EFL1: variants seen among roughly 807,000 people sequenced by gnomAD.
EFL1 encodes elongation factor-like GTPase 1.
In EFL1, 76 loss-of-function variants were observed where a neutral mutation model predicts 126.7. The ratio of observed to expected loss-of-function variants is 0.60; its 90% CI spans 0.50 to 0.73. EFL1 has a LOEUF of 0.73. Ranked by LOEUF, EFL1 falls within the 30% of genes least tolerant of loss-of-function variation. The pLI, the probability that EFL1 is intolerant of heterozygous loss-of-function variation, is 0.00. For missense variants in EFL1, 1,128 were observed against 1,343.2 expected (o/e 0.84, Z 2.50); for synonymous variants, 410 against 448.4 (o/e 0.91, Z 1.08).
At chr15:82,155,362 C>A (rs1045644459) in intron 17 of EFL1, among the ~76,000 whole-genome samples, 2 of 151,888 alleles carry the variant, frequency 1.3e-5, no homozygotes, top group Non-Finnish European at 2.9e-5. Context: ...GTTAGCTGGG[C>A]GTGGTGGCGT....
chr15:82,179,180 T>G (rs940969543), intron 15 of EFL1, among the ~76,000 whole-genome samples: 1 of 152,020 alleles, frequency 6.6e-6, no homozygotes, highest in Admixed American at 6.6e-5. Context: ...AATGGCTCAT[T>G]GGATTTGGCT....
At chr15:82,148,647 G>C (rs754715947) in intron 18 of EFL1, among the ~76,000 whole-genome samples, 9 of 152,176 alleles carry the variant, frequency 5.9e-5, no homozygotes, top group Non-Finnish European at 1.2e-4. Context: ...CGGTAGCTCA[G>C]CAGTTGATGA....
rs144813304 is a variant in EFL1, at chr15:82,132,954, G to A, written c.3175-2393C>T. Among the ~76,000 whole-genome samples the A allele has an allele frequency of 3.7e-3, 561 of 152,168 alleles. 2 individuals carry two copies. Among genetic ancestry groups the A allele is most frequent in the African/African-American group, 0.013 (535 of 41,522 alleles). ...AAACAATGTCAACACGATACCAGTA[G>A]GGCTGAGTCAGTATGGGCTCAGGGC... On this transcript the variant is annotated intron_variant, in intron 19 of 19. Coordinates refer to ENST00000268206, the MANE Select transcript of EFL1 (RefSeq NM_024580.6).
intron 19 of EFL1, among the ~76,000 whole-genome samples, chr15:82,131,137 G>C (rs1011188590): frequency 1.3e-5 from 2 of 152,114 alleles, no homozygotes; most frequent in African/African-American, 4.8e-5. Context: ...CACTAAGGAA[G>C]AAAGAAAACT....
At chr15:82,133,422 G>T (rs1291706289) in intron 19 of EFL1, among the ~76,000 whole-genome samples, 1 of 152,166 alleles carries the variant, frequency 6.6e-6, no homozygotes, top group African/African-American at 2.4e-5. Context: ...CCTGCCCTTT[G>T]CCATGTTTGC....
chr15:82,161,708 A>G (rs2074025631), intron 16 of EFL1, among the ~76,000 whole-genome samples: 1 of 152,248 alleles, frequency 6.6e-6, no homozygotes, highest in Non-Finnish European at 1.5e-5. Context: ...TAAACACATG[A>G]GGAAGTACAC....
intron 1 of EFL1, 21 bp downstream of exon 1, chr15:82,262,593 C>A (rs2075138628): frequency 2.8e-6 from 1 of 361,010 alleles, no homozygotes; most frequent in South Asian, 2.9e-5. Context: ...GTTCCAGCCC[C>A]CAGCGCCAGC....
At chr15:82,231,575 G>C (rs1281373815) in intron 7 of EFL1, among the ~76,000 whole-genome samples, 5 of 151,726 alleles carry the variant, frequency 3.3e-5, no homozygotes, top group Non-Finnish European at 7.4e-5. Context: ...AAGGACCTAA[G>C]AAATACCTTT....
At chr15:82,146,342 C>CA (rs2073845636) in intron 18 of EFL1, among the ~76,000 whole-genome samples, 2 of 152,084 alleles carry the variant, frequency 1.3e-5, no homozygotes, top group African/African-American at 4.8e-5. Context: ...CAACAGTCAG[C>CA]AAAGTCTGAA....
At chr15:82,166,734 A>G (rs2074083429) in intron 15 of EFL1, among the ~76,000 whole-genome samples, 2 of 152,122 alleles carry the variant, frequency 1.3e-5, no homozygotes, top group South Asian at 2.1e-4. Context: ...TATTGCCACT[A>G]TTTTCATTTT....
At position 82,154,647 on chromosome 15, in the gene EFL1, G is replaced by A. The variant is rs180786172; in HGVS notation, c.2031-2224C>T. Among the ~76,000 whole-genome samples, 896 of 152,254 alleles carry A rather than the reference G, an allele frequency of 5.9e-3. 5 individuals carry two copies. Among genetic ancestry groups the A allele is most frequent in the Non-Finnish European group, 9.5e-3 (643 of 68,008 alleles). On this transcript the variant is annotated intron_variant, in intron 17 of 19. Coordinates refer to ENST00000268206, the MANE Select transcript of EFL1 (RefSeq NM_024580.6). ...GTCTTAGCCCTCAGAGGGCCCCAAT[G>A]CCATTAAGTATGAAGGTAACTGCTA...
At chr15:82,246,584 G>C (rs2074975019) in intron 4 of EFL1, among the ~76,000 whole-genome samples, 1 of 152,040 alleles carries the variant, frequency 6.6e-6, no homozygotes, top group Non-Finnish European at 1.5e-5. Flanking sequence ...AGACAAGAAA[G>C]ACAAGAAAGA....
At chr15:82,138,899 C>G in intron 18 of EFL1, 57 bp from the exon 19 acceptor site, 4 of 1,521,022 alleles carry the variant, frequency 2.6e-6, no homozygotes, top group Non-Finnish European at 3.6e-6. Flanking sequence ...TGAGCCACAC[C>G]AAGACATGAT....
At chr15:82,144,213 G>A (rs926350618) in intron 18 of EFL1, among the ~76,000 whole-genome samples, 2 of 150,224 alleles carry the variant, frequency 1.3e-5, no homozygotes. Flanking sequence ...TCATGTTTGC[G>A]CCACTGTACT....
chr15:82,208,483 C>T (rs2074548929), intron 15 of EFL1, among the ~76,000 whole-genome samples: 1 of 152,024 alleles, frequency 6.6e-6, no homozygotes, highest in African/African-American at 2.4e-5. Flanking sequence ...GAGAGTGCAG[C>T]TGTAGAGGGT....
intron 19 of EFL1, among the ~76,000 whole-genome samples, chr15:82,132,152 G>A (rs1482387480): frequency 6.6e-6 from 1 of 152,174 alleles, no homozygotes; most frequent in Non-Finnish European, 1.5e-5. Flanking sequence ...ACTATAGAAT[G>A]GGAGGTGTGA....
intron 19 of EFL1, 27 bp downstream of exon 19, chr15:82,138,631 G>T (rs763967001): frequency 2.5e-6 from 4 of 1,608,674 alleles, no homozygotes; most frequent in South Asian, 1.1e-5. Flanking sequence ...TGAGAAGGAA[G>T]GAATGAATGG....
rs775338273 is a variant in EFL1, at chr15:82,259,134, C to G, written c.113G>C (p.Cys38Ser). Residue 38 changes from cysteine to serine, a missense_variant, in exon 3 of 20, where the codon TGT becomes TCT. This residue lies in a region of EFL1 where 118 missense variants were observed against 188.1 expected (regional missense o/e 0.63). Transcript: ENST00000268206. ...VDHGKTTLAD[C>S]LISSNGIISS... Reference sequence around the variant, plus strand: ...GATGATTCCATTGCTAGATATAAGACAGTCAGCCAGAGTAGTTTTTCCTGT... The same window carrying G: ...GATGATTCCATTGCTAGATATAAGAGAGTCAGCCAGAGTAGTTTTTCCTGT... 1.2e-6 allele frequency: 2 copies of G among 1,614,008 alleles called. No homozygotes were observed. The highest frequency in any genetic ancestry group is 2.2e-5 in the South Asian group (2 of 91,070).
chr15:82,191,736 C>G (rs1390710872), intron 15 of EFL1, among the ~76,000 whole-genome samples: 1 of 152,150 alleles, frequency 6.6e-6, no homozygotes, highest in Admixed American at 6.5e-5. Flanking sequence ...CAGTTTTTCA[C>G]TCAGGGCCAT....
Sources: allele counts gnomAD v4.1 joint callset (sites outside exome capture counted in the v4.1 genomes callset), GRCh38; gene constraint gnomAD v4.1.1; regional missense constraint gnomAD v4.1.1; transcripts MANE v1.5; gene names NCBI Gene and HGNC (gene_info 2026-07-23, HGNC 2026-07-21).